CMTM4: variants seen among roughly 807,000 people sequenced by gnomAD.
CMTM4 encodes the protein CKLF like MARVEL transmembrane domain containing 4.
A neutral mutation model predicts 19.0 loss-of-function variants in CMTM4; 8 were observed. The observed-to-expected ratio is 0.42, with a 90% CI of 0.25 to 0.76. The LOEUF is 0.76. Among genes scored for constraint, CMTM4 ranks in the 30% least tolerant of loss-of-function variants. The pLI is 0.27. For missense variants in CMTM4, 228 were observed against 290.2 expected (o/e 0.79, Z 1.56); for synonymous variants, 106 against 121.1 (o/e 0.88, Z 0.82).
intron 1 of CMTM4, among the ~76,000 whole-genome samples, chr16:66,674,955 C>T (rs1295881752): frequency 6.6e-6 from 1 of 151,952 alleles, no homozygotes; most frequent in Non-Finnish European, 1.5e-5. Context: ...GTTGGGCCGG[C>T]TGGTCTCAAA....
intron 2 of CMTM4, among the ~76,000 whole-genome samples, chr16:66,629,847 TTC>T (rs1269087345): frequency 6.6e-6 from 1 of 152,186 alleles, no homozygotes; most frequent in African/African-American, 2.4e-5. Flanking sequence ...TCTGGGGAGC[TTC>T]TGAGTGGAGC....
the CMTM4 span, among the ~76,000 whole-genome samples, chr16:66,609,000 C>T: frequency 6.6e-6 from 1 of 152,232 alleles, no homozygotes; most frequent in South Asian, 2.1e-4. The surrounding 1 kb of genome is among the most constrained non-coding windows in gnomAD (Gnocchi z 5.1). Context: ...GGGCTGCACC[C>T]TCTGTGTCCC....
intron 1 of CMTM4, among the ~76,000 whole-genome samples, chr16:66,663,302 A>T (rs2144863752): frequency 6.6e-6 from 1 of 152,326 alleles, no homozygotes; most frequent in East Asian, 1.9e-4. Context: ...TGCCAAGATG[A>T]CACAGTTGTT....
At chr16:66,641,624 G>C (rs1416939220) in intron 1 of CMTM4, among the ~76,000 whole-genome samples, 1 of 152,170 alleles carries the variant, frequency 6.6e-6, no homozygotes. Flanking sequence ...TAATAGCCAA[G>C]ATTTGATTCT....
At chr16:66,602,919 G>A in the CMTM4 span, among the ~76,000 whole-genome samples, 2 of 152,206 alleles carry the variant, frequency 1.3e-5, no homozygotes, top group African/African-American at 4.8e-5. Context: ...CACTCCACAA[G>A]TCAGTCAATA....
At chr16:66,638,318 T>C (rs1361992900) in intron 1 of CMTM4, among the ~76,000 whole-genome samples, 2 of 152,220 alleles carry the variant, frequency 1.3e-5, no homozygotes, top group African/African-American at 2.4e-5. Flanking sequence ...ACATCTACAA[T>C]TCCTGGTTGC....
At chr16:66,638,657 G>A (rs945521282) in intron 1 of CMTM4, among the ~76,000 whole-genome samples, 5 of 152,118 alleles carry the variant, frequency 3.3e-5, no homozygotes, top group South Asian at 2.1e-4. Flanking sequence ...TCAGGAGTTC[G>A]AGACCAGCCT....
At chr16:66,605,165 C>A in the CMTM4 span, 1 of 441,142 alleles carries the variant, frequency 2.3e-6, no homozygotes, top group Non-Finnish European at 3.9e-6. The surrounding 1 kb of genome is among the most constrained non-coding windows in gnomAD (Gnocchi z 4.6). Flanking sequence ...CCAGGCCATC[C>A]GCGGCGCTGT....
intron 2 of CMTM4, among the ~76,000 whole-genome samples, chr16:66,628,482 T>G (rs1307400810): frequency 6.6e-6 from 1 of 152,184 alleles, no homozygotes; most frequent in Non-Finnish European, 1.5e-5. Context: ...GCGATGACTT[T>G]TACCAAGCAT....
intron 1 of CMTM4, among the ~76,000 whole-genome samples, chr16:66,665,036 C>T (rs1596945723): frequency 6.6e-6 from 1 of 151,956 alleles, no homozygotes; most frequent in Non-Finnish European, 1.5e-5. Flanking sequence ...CTTGACCTAC[C>T]GGGCTCAAGT....
intron 1 of CMTM4, among the ~76,000 whole-genome samples, chr16:66,655,112 C>T (rs2016374531): frequency 6.6e-6 from 1 of 152,012 alleles, no homozygotes; most frequent in African/African-American, 2.4e-5. Flanking sequence ...GCCTCCCAAG[C>T]AGCTGGTACC....
chr16:66,678,403 T>C (rs1265387374), intron 1 of CMTM4, among the ~76,000 whole-genome samples: 4 of 152,088 alleles, frequency 2.6e-5, no homozygotes, highest in Admixed American at 1.3e-4. Context: ...CGCCACATAG[T>C]CCCCATTTCA....
Position 66,618,472 on chromosome 16 carries a change from T to C in CMTM4, c.*3586A>G. 1 of 985,374 alleles carries C rather than the reference T, an allele frequency of 1.0e-6. No homozygotes were observed. The highest frequency in any genetic ancestry group is 1.2e-6 in the Non-Finnish European group (1 of 829,926). The allele number at this position is 985,374 out of a possible 1,614,324, so 61.0% of individuals were successfully genotyped here. A position where few individuals can be genotyped will look rare whatever the true frequency, so the allele number is the denominator to read the frequency against. On this transcript the variant is annotated 3_prime_UTR_variant, in exon 4 of 4. Transcript: ENST00000394106. ...GGTGCTAAGACCAACCCACAGAAAA[T>C]CTGGCACAGAAAGGGATTAGACCTC...
intron 1 of CMTM4, among the ~76,000 whole-genome samples, chr16:66,675,106 A>C (rs1467975121): frequency 6.9e-6 from 1 of 144,380 alleles, no homozygotes; most frequent in Non-Finnish European, 1.5e-5. Context: ...TTTGAGACAG[A>C]GTCTCACTCT....
downstream of CMTM4, chr16:66,612,812 C>T: frequency 1.5e-6 from 1 of 654,976 alleles, no homozygotes; most frequent in Non-Finnish European, 2.7e-6. This position sits in a 1 kb window ranked among gnomAD's most constrained non-coding sequence, Gnocchi z 6.0. Flanking sequence ...CAGGCTTGCC[C>T]CTCAGCTCAG....
chr16:66,642,612 A>C (rs970199103), intron 1 of CMTM4, among the ~76,000 whole-genome samples: 2 of 152,148 alleles, frequency 1.3e-5, no homozygotes, highest in African/African-American at 4.8e-5. Flanking sequence ...GCTAGGCAGG[A>C]GGCTGAGGCA....
At chr16:66,672,243 CA>C (rs112556957) in intron 1 of CMTM4, among the ~76,000 whole-genome samples, 14,016 of 141,530 alleles carry the variant, frequency 0.099, 882 homozygotes, top group East Asian at 0.25. Flanking sequence ...ACTAAAAATA[CA>C]AAAAAAAAAA....
intron 1 of CMTM4, among the ~76,000 whole-genome samples, chr16:66,673,043 G>A (rs1385808202): frequency 1.4e-5 from 2 of 147,326 alleles, no homozygotes; most frequent in Non-Finnish European, 1.5e-5. Context: ...CCAAGAAGCT[G>A]GGATTACAGG....
At chr16:66,681,137 C>T (rs1010473230) in intron 1 of CMTM4, among the ~76,000 whole-genome samples, 2 of 152,052 alleles carry the variant, frequency 1.3e-5, no homozygotes, top group African/African-American at 4.8e-5. Context: ...CACCTGCAAT[C>T]CTAGTACTTT....
Sources: gnomAD v4.1 joint callset for allele counts (sites outside exome capture counted in the v4.1 genomes callset) on GRCh38, gnomAD v4.1.1 for gene constraint, Gnocchi (gnomAD v3.1) non-coding constraint, MANE v1.5 for transcripts, NCBI Gene and HGNC (gene_info 2026-07-23, HGNC 2026-07-21) for gene names.